STXBP4: variants seen among roughly 807,000 people sequenced by gnomAD.
The protein encoded by STXBP4 is syntaxin-binding protein 4.
Under a neutral mutation model 76.1 loss-of-function variants are expected in STXBP4, and 55 were observed. The observed-to-expected ratio is 0.72, with a 90% CI of 0.58 to 0.91. The LOEUF is 0.91. STXBP4 is among the 40% of genes least tolerant of loss of function. The probability of loss-of-function intolerance (pLI) is 0.00; values close to 1 mark genes in which losing one functional copy is unlikely to be tolerated. For missense variants in STXBP4, 618 were observed against 636.9 expected (o/e 0.97, Z 0.32); for synonymous variants, 201 against 220.2 (o/e 0.91, Z 0.77).
chr17:55,046,634 C>G (rs866572015), intron 11 of STXBP4, among the ~76,000 whole-genome samples: 1 of 151,680 alleles, frequency 6.6e-6, no homozygotes, highest in Non-Finnish European at 1.5e-5. Context: ...TCATATATGC[C>G]TTTTCATGGA....
chr17:54,996,497 A>G (rs8072827), intron 4 of STXBP4, among the ~76,000 whole-genome samples: 45,749 of 151,860 alleles, frequency 0.3, 7,230 homozygotes, highest in African/African-American at 0.36. Context: ...ATTTGCTATC[A>G]GTATGAAAAT....
At chr17:55,036,440 C>T (rs2078604301) in intron 10 of STXBP4, among the ~76,000 whole-genome samples, 1 of 151,250 alleles carries the variant, frequency 6.6e-6, no homozygotes, top group South Asian at 2.1e-4. Flanking sequence ...TTAATGGTAT[C>T]TTTTAAAAAT....
At chr17:55,175,889 A>G (rs1192089127), downstream of STXBP4, among the ~76,000 whole-genome samples, 1 of 152,198 alleles carries the variant, frequency 6.6e-6, no homozygotes, top group Non-Finnish European at 1.5e-5. Context: ...AAGCCAACCC[A>G]AAAGCATTCA....
At chr17:55,150,214 G>T (rs577547430) in intron 17 of STXBP4, among the ~76,000 whole-genome samples, 3 of 152,216 alleles carry the variant, frequency 2.0e-5, no homozygotes, top group Admixed American at 2.0e-4. Context: ...CACAGACATG[G>T]CTTAAACAAC....
intron 16 of STXBP4, among the ~76,000 whole-genome samples, chr17:55,125,585 TAA>T (rs1363564233): frequency 6.6e-6 from 1 of 151,166 alleles, no homozygotes; most frequent in African/African-American, 2.4e-5. Flanking sequence ...CAACATAGGA[TAA>T]GTTTCCTGTT....
At chr17:55,106,410 T>C (rs2079635547) in intron 16 of STXBP4, among the ~76,000 whole-genome samples, 1 of 152,132 alleles carries the variant, frequency 6.6e-6, no homozygotes, top group Non-Finnish European at 1.5e-5. Context: ...CTTGACTCTT[T>C]ATCCAATTTG....
chr17:55,194,411 G>C, the STXBP4 span, among the ~76,000 whole-genome samples: 1 of 152,098 alleles, frequency 6.6e-6, no homozygotes, highest in Admixed American at 6.5e-5. Flanking sequence ...TCCGGAACAA[G>C]GGAACAAAGT....
chr17:55,187,096 G>A, the STXBP4 span, among the ~76,000 whole-genome samples: 21 of 152,294 alleles, frequency 1.4e-4, no homozygotes, highest in East Asian at 1.2e-3. Context: ...TGTTCCAGGC[G>A]TCTGCTGAGG....
intron 13 of STXBP4, among the ~76,000 whole-genome samples, chr17:55,076,203 G>A (rs1336737393): frequency 1.3e-5 from 2 of 151,986 alleles, no homozygotes; most frequent in East Asian, 3.8e-4. Context: ...CAGTATTTTA[G>A]TTCTTTCTTT....
the STXBP4 span, among the ~76,000 whole-genome samples, chr17:55,196,671 A>G: frequency 2.0e-5 from 3 of 152,112 alleles, no homozygotes; most frequent in Non-Finnish European, 4.4e-5. Context: ...TAAGATATAC[A>G]TCTCTCCAGC....
chr17:55,081,129 GC>G lies in STXBP4; in HGVS notation c.1436del (p.Ala479GlyfsTer40), dbSNP rs2144912869. 6.4e-7 allele frequency: 1 copy of G among 1,554,636 alleles called. No homozygotes were observed. Among genetic ancestry groups the G allele is most frequent in the East Asian group, 2.5e-5 (1 of 39,544 alleles). On this transcript the variant is annotated frameshift_variant, in exon 16 of 18. Transcript: ENST00000376352. LOFTEE classifies it high-confidence loss of function. ...TGGACGTAGCATCCCAGCAACGCTG[GC>G]GCTTGAATCTAAGGAACTTGTTAAA... ...RNGRSIPATL[A>X]LESKELVKSV...
At chr17:55,006,571 A>T (rs994587907) in intron 7 of STXBP4, among the ~76,000 whole-genome samples, 1 of 152,228 alleles carries the variant, frequency 6.6e-6, no homozygotes, top group African/African-American at 2.4e-5. Flanking sequence ...GGTCTTTTGT[A>T]GCATCTTTTT....
At chr17:55,061,685 T>G (rs1567743604) in intron 12 of STXBP4, among the ~76,000 whole-genome samples, 1 of 152,178 alleles carries the variant, frequency 6.6e-6, no homozygotes, top group Non-Finnish European at 1.5e-5. Context: ...GTTCTATATC[T>G]CCATAATGTT....
intron 1 of STXBP4, among the ~76,000 whole-genome samples, chr17:54,972,522 G>A (rs932200141): frequency 1.3e-5 from 2 of 152,062 alleles, no homozygotes; most frequent in African/African-American, 4.8e-5. Context: ...TTTTAATTCT[G>A]ATTTCAAATT....
intron 16 of STXBP4, among the ~76,000 whole-genome samples, chr17:55,140,858 T>C (rs929687134): frequency 2.6e-5 from 4 of 152,144 alleles, no homozygotes; most frequent in African/African-American, 9.7e-5. Flanking sequence ...AAAAGCTACT[T>C]TCAAACCCCT....
intron 16 of STXBP4, among the ~76,000 whole-genome samples, chr17:55,093,241 C>T (rs774902040): frequency 3.1e-4 from 47 of 152,092 alleles, no homozygotes; most frequent in Non-Finnish European, 7.4e-5. Flanking sequence ...CTGCCCCCCT[C>T]GGCCTCCCAA....
intron 16 of STXBP4, among the ~76,000 whole-genome samples, chr17:55,113,968 G>A (rs947329684): frequency 6.6e-6 from 1 of 151,964 alleles, no homozygotes; most frequent in Non-Finnish European, 1.5e-5. Flanking sequence ...TAACTTCTCT[G>A]TACCTCATTT....
chr17:55,078,844 A>ATT, intron 15 of STXBP4, 109 bp downstream of exon 15: 1 of 674,896 alleles, frequency 1.5e-6, no homozygotes, highest in Admixed American at 2.9e-5. Context: ...AAGGTGCTAC[A>ATT]TAACTCCCAT....
intron 13 of STXBP4, among the ~76,000 whole-genome samples, chr17:55,074,908 A>G (rs2079161824): frequency 6.6e-6 from 1 of 151,834 alleles, no homozygotes; most frequent in Non-Finnish European, 1.5e-5. Context: ...TTTTTTTTTA[A>G]TCATGAGATT....
Sources: allele counts gnomAD v4.1 joint callset (sites outside exome capture counted in the v4.1 genomes callset), GRCh38; gene constraint gnomAD v4.1.1; transcripts MANE v1.5; gene names NCBI Gene and HGNC (gene_info 2026-07-23, HGNC 2026-07-21).